PRR16: variants seen among roughly 807,000 people sequenced by gnomAD.
PRR16 encodes the protein proline rich 16, also known as protein Largen.
A neutral mutation model predicts 18.2 loss-of-function variants in PRR16; 6 were observed. The observed-to-expected ratio is 0.33, with a 90% confidence interval of 0.18 to 0.65. The LOEUF is 0.65. Among genes scored for constraint, PRR16 ranks in the 30% least tolerant of loss-of-function variants. The pLI is 0.74. For synonymous variants in PRR16, 151 were observed against 147.8 expected (o/e 1.02, Z -0.16); for missense variants, 412 against 376.6 (o/e 1.09, Z -0.78).
At chr5:120,592,115 A>G (rs774395619) in intron 1 of PRR16, among the ~76,000 whole-genome samples, 1 of 151,344 alleles carries the variant, frequency 6.6e-6, no homozygotes, top group South Asian at 2.1e-4. Flanking sequence ...CCAAGGCATT[A>G]TACTGTGTTG....
the PRR16 span, among the ~76,000 whole-genome samples, chr5:120,738,872 A>G: frequency 2.0e-5 from 3 of 152,188 alleles, no homozygotes; most frequent in African/African-American, 4.8e-5. Flanking sequence ...ACAAACCAAG[A>G]TGAACTAAAA....
At chr5:120,791,932 C>G in the PRR16 span, among the ~76,000 whole-genome samples, 1 of 151,952 alleles carries the variant, frequency 6.6e-6, no homozygotes, top group African/African-American at 2.4e-5. Flanking sequence ...ATGATTTGAA[C>G]CTCTGAAAAG....
At chr5:120,468,677 G>A (rs1175101561) in intron 1 of PRR16, among the ~76,000 whole-genome samples, 1 of 152,148 alleles carries the variant, frequency 6.6e-6, no homozygotes, top group African/African-American at 2.4e-5. Context: ...AAACTATTTT[G>A]CATTAAATGC....
chr5:120,662,522 C>A (rs1283438818), intron 1 of PRR16, among the ~76,000 whole-genome samples: 5 of 152,002 alleles, frequency 3.3e-5, no homozygotes, highest in African/African-American at 9.7e-5. Context: ...TAGCACAAAA[C>A]GCTCAGGGAA....
At chr5:120,583,491 C>T (rs985699423) in intron 1 of PRR16, among the ~76,000 whole-genome samples, 1 of 152,108 alleles carries the variant, frequency 6.6e-6, no homozygotes, top group African/African-American at 2.4e-5. Context: ...GGCCAGCTCA[C>T]AAGGGGAGAC....
intron 1 of PRR16, among the ~76,000 whole-genome samples, chr5:120,470,297 A>G (rs984253935): frequency 6.6e-6 from 1 of 152,050 alleles, no homozygotes; most frequent in Non-Finnish European, 1.5e-5. Flanking sequence ...AATCAAATTT[A>G]TTTTTTCTGA....
the PRR16 span, among the ~76,000 whole-genome samples, chr5:120,736,439 A>G: frequency 7.0e-6 from 1 of 143,846 alleles, no homozygotes; most frequent in African/African-American, 2.6e-5. Context: ...TAATTTTTGT[A>G]TTTTTAGTAC....
chr5:120,778,511 A>G, the PRR16 span, among the ~76,000 whole-genome samples: 1 of 152,186 alleles, frequency 6.6e-6, no homozygotes, highest in South Asian at 2.1e-4. Flanking sequence ...GTTTTAAAAA[A>G]GGAAGTGGAG....
intron 1 of PRR16, among the ~76,000 whole-genome samples, chr5:120,601,363 T>C (rs1471687213): frequency 1.3e-5 from 2 of 152,126 alleles, no homozygotes; most frequent in Non-Finnish European, 1.5e-5. Context: ...TGGCCTTGTG[T>C]ATGTCTTCTT....
chr5:120,707,786 T>G, the PRR16 span, among the ~76,000 whole-genome samples: 1 of 152,184 alleles, frequency 6.6e-6, no homozygotes, highest in South Asian at 2.1e-4. Flanking sequence ...TTAGTAAAGA[T>G]AATTTCTTTT....
intron 1 of PRR16, among the ~76,000 whole-genome samples, chr5:120,499,486 C>A (rs760515225): frequency 6.6e-6 from 1 of 152,016 alleles, no homozygotes; most frequent in Non-Finnish European, 1.5e-5. Flanking sequence ...ATTTCTACTT[C>A]TATTGTTATA....
At chr5:120,536,139 T>G (rs1751709231) in intron 1 of PRR16, among the ~76,000 whole-genome samples, 1 of 152,206 alleles carries the variant, frequency 6.6e-6, no homozygotes, top group African/African-American at 2.4e-5. Flanking sequence ...AGAATTGTGA[T>G]AGTTGGCATA....
the PRR16 span, among the ~76,000 whole-genome samples, chr5:120,729,917 A>G: frequency 2.0e-5 from 3 of 152,110 alleles, no homozygotes; most frequent in Non-Finnish European, 4.4e-5. Flanking sequence ...GTGGCTTTCA[A>G]TCTTTGCTCT....
chr5:120,589,829 G>A (rs1753572571), intron 1 of PRR16, among the ~76,000 whole-genome samples: 1 of 152,090 alleles, frequency 6.6e-6, no homozygotes, highest in Admixed American at 6.6e-5. Context: ...TGAGATTTGG[G>A]TGGGGACACA....
At chr5:120,598,790 A>G (rs1044071720) in intron 1 of PRR16, among the ~76,000 whole-genome samples, 17 of 151,966 alleles carry the variant, frequency 1.1e-4, no homozygotes, top group African/African-American at 2.9e-4. Context: ...GTAGTATTCT[A>G]TGGTGTTTAT....
intron 1 of PRR16, among the ~76,000 whole-genome samples, chr5:120,497,701 T>G (rs955276512): frequency 1.1e-4 from 17 of 152,012 alleles, no homozygotes; most frequent in Non-Finnish European, 2.1e-4. Context: ...ATTGATTCTT[T>G]TATTACATAA....
intron 1 of PRR16, among the ~76,000 whole-genome samples, chr5:120,680,497 C>G (rs180794372): frequency 1.3e-5 from 2 of 152,236 alleles, no homozygotes; most frequent in East Asian, 3.9e-4. Flanking sequence ...GAAAAACCTG[C>G]AAGGAATATC....
intron 1 of PRR16, among the ~76,000 whole-genome samples, chr5:120,518,564 CTT>C (rs370413378): frequency 6.9e-4 from 99 of 143,498 alleles, no homozygotes; most frequent in Middle Eastern, 3.5e-3. Flanking sequence ...TCATTAAAAT[CTT>C]TTTTTTTTTT....
chr5:120,569,599 T>A (rs1752841618), intron 1 of PRR16, among the ~76,000 whole-genome samples: 1 of 152,000 alleles, frequency 6.6e-6, no homozygotes, highest in Non-Finnish European at 1.5e-5. Flanking sequence ...TGAGAAGATG[T>A]CCATTAAACA....
Sources: allele counts gnomAD v4.1 joint callset (sites outside exome capture counted in the v4.1 genomes callset), GRCh38; gene constraint gnomAD v4.1.1; transcripts MANE v1.5; gene names NCBI Gene and HGNC (gene_info 2026-07-23, HGNC 2026-07-21).